EYS: variants seen among roughly 807,000 people sequenced by gnomAD.
EYS encodes the protein protein eyes shut homolog.
Under a neutral mutation model 282.1 loss-of-function variants are expected in EYS, and 250 were observed. That is an observed-to-expected ratio of 0.89 (90% CI 0.80 to 0.98). The LOEUF is 0.98. Ranked by LOEUF, EYS falls within the 50% of genes least tolerant of loss-of-function variation. The pLI is 0.00. For missense variants in EYS, 4,016 were observed against 3,709.0 expected (o/e 1.08, Z -2.15); for synonymous variants, 1,355 against 1,282.9 (o/e 1.06, Z -1.20).
At chr6:65,567,529 C>T (rs895774955) in intron 2 of EYS, among the ~76,000 whole-genome samples, 9 of 151,850 alleles carry the variant, frequency 5.9e-5, no homozygotes, top group South Asian at 2.1e-4. Context: ...GCCAGATGAT[C>T]GCTGAATGTC....
At chr6:64,744,339 A>C (rs1772480116) in intron 22 of EYS, among the ~76,000 whole-genome samples, 1 of 152,130 alleles carries the variant, frequency 6.6e-6, no homozygotes, top group Admixed American at 6.6e-5. Flanking sequence ...GGAGTGAGAA[A>C]CAGATGCTGC....
chr6:64,343,001 A>G (rs1429397544), intron 29 of EYS, among the ~76,000 whole-genome samples: 8 of 151,902 alleles, frequency 5.3e-5, no homozygotes, highest in South Asian at 2.1e-4. Flanking sequence ...AACAAGAAGA[A>G]CTAACTATCC....
intron 15 of EYS, among the ~76,000 whole-genome samples, chr6:64,913,847 G>A (rs1768079915): frequency 6.6e-6 from 1 of 152,028 alleles, no homozygotes; most frequent in South Asian, 2.1e-4. Context: ...CTTTCTGTGG[G>A]CTGAACTAAA....
intron 36 of EYS, among the ~76,000 whole-genome samples, chr6:63,813,081 C>T (rs1771089873): frequency 6.6e-6 from 1 of 152,150 alleles, no homozygotes; most frequent in Non-Finnish European, 1.5e-5. Context: ...TGGAATCAAA[C>T]AATCCTCTCA....
chr6:63,829,737 G>T (rs1771574304), intron 36 of EYS, among the ~76,000 whole-genome samples: 1 of 152,216 alleles, frequency 6.6e-6, no homozygotes, highest in Admixed American at 6.5e-5. Context: ...CATGGAGTTT[G>T]AGATCTGAGA....
intron 5 of EYS, among the ~76,000 whole-genome samples, chr6:65,469,782 C>A (rs1765141953): frequency 1.3e-5 from 2 of 152,014 alleles, no homozygotes; most frequent in Admixed American, 1.3e-4. Context: ...AAAAAACTTT[C>A]TTCCTCAGCT....
intron 37 of EYS, chr6:63,797,711 T>C (rs922591378): frequency 6.6e-6 from 1 of 152,134 alleles, no homozygotes; most frequent in African/African-American, 2.4e-5. Flanking sequence ...GGATACAATA[T>C]AGTGTCTACC....
At chr6:64,708,151 T>C (rs565251829) in intron 22 of EYS, among the ~76,000 whole-genome samples, 7 of 152,296 alleles carry the variant, frequency 4.6e-5, no homozygotes, top group Middle Eastern at 6.8e-3. Context: ...TATGCAGGCC[T>C]GAAAAAATGA....
chr6:64,157,000 C>T (rs1041451270), intron 31 of EYS, among the ~76,000 whole-genome samples: 15 of 151,122 alleles, frequency 9.9e-5, no homozygotes, highest in Admixed American at 7.9e-4. Flanking sequence ...CCCACTAACT[C>T]GTCATCTAGC....
chr6:65,431,153 A>C (rs1212204890), intron 5 of EYS, among the ~76,000 whole-genome samples: 2 of 152,184 alleles, frequency 1.3e-5, no homozygotes, highest in Non-Finnish European at 2.9e-5. Flanking sequence ...AAGATCACTA[A>C]CAACCATCTT....
At chr6:64,392,273 G>C (rs1392455932) in intron 28 of EYS, among the ~76,000 whole-genome samples, 3 of 148,128 alleles carry the variant, frequency 2.0e-5, no homozygotes, top group Non-Finnish European at 4.4e-5. Flanking sequence ...GCACCAAGCA[G>C]ACCTAATAGA....
intron 12 of EYS, among the ~76,000 whole-genome samples, chr6:65,279,326 C>A (rs1262110928): frequency 6.6e-6 from 1 of 152,176 alleles, no homozygotes; most frequent in East Asian, 1.9e-4. Flanking sequence ...TTTTCTAGAT[C>A]TCTGCTTAAA....
At chr6:65,404,024 G>C (rs2150364736) in intron 6 of EYS, among the ~76,000 whole-genome samples, 1 of 152,198 alleles carries the variant, frequency 6.6e-6, no homozygotes, top group Non-Finnish European at 1.5e-5. Context: ...TAGAGTTCCA[G>C]AGGTCATAAG....
chr6:65,437,295 C>CACAAGGAGG lies in EYS; in HGVS notation c.863-31929_863-31928insCCTCCTTGT, dbSNP rs1256479657. On this transcript the variant is annotated intron_variant, in intron 5 of 42. Coordinates refer to ENST00000503581, the MANE Select transcript of EYS (RefSeq NM_001142800.2). Reference sequence around the variant, plus strand: ...AATTACAGGATTAAAGAGAGAAAAACATATATTAGTGTTTTTTAATGGTAA... The same window carrying CACAAGGAGG: ...AATTACAGGATTAAAGAGAGAAAAACACAAGGAGGATATATTAGTGTTTTTTAATGGTAA... Among the ~76,000 whole-genome samples the CACAAGGAGG allele has an allele frequency of 2.7e-5, 4 of 150,212 alleles. No individual in the cohort carries two copies. The Admixed American group carries it at 2.7e-4, about 10-fold the overall frequency.
chr6:64,826,136 T>A (rs941637561), intron 19 of EYS, among the ~76,000 whole-genome samples: 6 of 151,866 alleles, frequency 4.0e-5, no homozygotes, highest in Non-Finnish European at 5.9e-5. Context: ...TATTTATGTG[T>A]CAATCAGAGT....
At chr6:64,151,317 T>TTATTTATATA (rs1447163993) in intron 31 of EYS, among the ~76,000 whole-genome samples, 2 of 52,468 alleles carry the variant, frequency 3.8e-5, no homozygotes, top group East Asian at 1.5e-3. Context: ...GTGTGTATAT[T>TTATTTATATA]TATATATATA....
At chr6:64,375,710 G>T (rs1286646337) in intron 29 of EYS, among the ~76,000 whole-genome samples, 1 of 152,154 alleles carries the variant, frequency 6.6e-6, no homozygotes, top group Non-Finnish European at 1.5e-5. Context: ...TAAAGAAGAG[G>T]TTTGATTATT....
chr6:65,367,519 A>T (rs1039520096), intron 8 of EYS, among the ~76,000 whole-genome samples: 7 of 151,700 alleles, frequency 4.6e-5, no homozygotes, highest in African/African-American at 1.4e-4. Flanking sequence ...TGTTTCCTTT[A>T]AATATAAATG....
intron 8 of EYS, among the ~76,000 whole-genome samples, chr6:65,378,519 CA>C (rs879127891): frequency 1.3e-5 from 2 of 152,136 alleles, no homozygotes; most frequent in Non-Finnish European, 2.9e-5. Context: ...TTTGACCCAG[CA>C]ATCCCATTAC....
Sources: allele counts gnomAD v4.1 joint callset (sites outside exome capture counted in the v4.1 genomes callset), GRCh38; gene constraint gnomAD v4.1.1; transcripts MANE v1.5; gene names NCBI Gene and HGNC (gene_info 2026-07-23, HGNC 2026-07-21).